HIVEP1: variants seen among roughly 807,000 people sequenced by gnomAD.
The protein encoded by HIVEP1 is zinc finger protein 40.
HIVEP1 carries 36 observed loss-of-function variants against 180.0 expected under a neutral mutation model. That is an observed-to-expected ratio of 0.20 (90% CI 0.15 to 0.26). The LOEUF (loss-of-function observed/expected upper bound fraction) is 0.26, where lower values mean the gene tolerates loss of function less well. HIVEP1 is among the 10% of genes least tolerant of loss of function. HIVEP1 has a pLI of 1.00. For missense variants in HIVEP1, 3,143 were observed against 3,268.7 expected, an observed-to-expected ratio of 0.96 and a Z score of 0.94; for synonymous variants, 1,239 against 1,239.0, an observed-to-expected ratio of 1.00 and a Z score of 0.00.
intron 2 of HIVEP1, among the ~76,000 whole-genome samples, chr6:12,075,988 C>T (rs184687205): frequency 6.6e-6 from 1 of 152,242 alleles, no homozygotes; most frequent in African/African-American, 2.4e-5. Context: ...TAAGCTCCAC[C>T]TGTTTTATAA....
At chr6:12,089,259 T>A in intron 3 of HIVEP1, 22 bp downstream of exon 3, 2 of 1,435,008 alleles carry the variant, frequency 1.4e-6, no homozygotes, top group Non-Finnish European at 2.0e-6. Context: ...TCAGCTTGAA[T>A]GTAAACTTTA....
chr6:12,052,877 G>A (rs945457818), intron 2 of HIVEP1, among the ~76,000 whole-genome samples: 1 of 152,152 alleles, frequency 6.6e-6, no homozygotes, highest in Non-Finnish European at 1.5e-5. Flanking sequence ...TCATTCCTGT[G>A]CTTTAAAAAT....
chr6:12,021,161 C>G (rs1768176346), intron 2 of HIVEP1, among the ~76,000 whole-genome samples: 1 of 152,164 alleles, frequency 6.6e-6, no homozygotes, highest in Non-Finnish European at 1.5e-5. Context: ...GCTGGGATTA[C>G]AGGCGTGAGC....
the HIVEP1 span, among the ~76,000 whole-genome samples, chr6:12,190,495 C>A: frequency 1.3e-5 from 2 of 152,140 alleles, no homozygotes; most frequent in Admixed American, 6.6e-5. Flanking sequence ...CGCTTTGGAG[C>A]CTGTGCACTG....
At chr6:12,141,935 G>A (rs1759063314) in intron 7 of HIVEP1, among the ~76,000 whole-genome samples, 1 of 151,852 alleles carries the variant, frequency 6.6e-6, no homozygotes, top group Non-Finnish European at 1.5e-5. Context: ...AATAATAATG[G>A]GAGACTTTAA....
chr6:12,133,229 A>T (rs1758522558), intron 6 of HIVEP1, among the ~76,000 whole-genome samples: 1 of 152,154 alleles, frequency 6.6e-6, no homozygotes, highest in African/African-American at 2.4e-5. Flanking sequence ...AATAATTTTA[A>T]TTGATTTGTT....
chr6:12,089,231 A>G lies in HIVEP1; in HGVS notation c.88A>G (p.Lys30Glu). 1 of 1,561,634 alleles carries G rather than the reference A, an allele frequency of 6.4e-7. No homozygotes were observed. The highest frequency in any genetic ancestry group is 8.8e-7 in the Non-Finnish European group (1 of 1,136,018). ...AGAACTTAATGGGGCAGAAGTTTCA[A>G]AAAAAGGTAAATTAAAATCAGCTTG... is the stretch of plus-strand genomic sequence containing the variant. The part of the protein sequence containing the change: ...QKELNGAEVS[K>E]KEILQAGVKG... Residue 30 changes from lysine to glutamate, a missense_variant, in exon 3 of 9, where the codon AAA becomes GAA. Physicochemically the swap from Lys to Glu is moderately conservative, Grantham distance 56. This residue lies in a region of HIVEP1 where 114 missense variants were observed against 134.5 expected (regional missense o/e 0.85). Coordinates refer to ENST00000379388, the MANE Select transcript of HIVEP1 (RefSeq NM_002114.4).
chr6:12,137,686 C>T (rs1758779207), intron 7 of HIVEP1, among the ~76,000 whole-genome samples: 1 of 151,652 alleles, frequency 6.6e-6, no homozygotes, highest in Admixed American at 6.6e-5. Flanking sequence ...AGTGCTGTGT[C>T]ATGCTGTGCT....
chr6:12,042,504 C>T (rs1769841269), intron 2 of HIVEP1, among the ~76,000 whole-genome samples: 1 of 151,508 alleles, frequency 6.6e-6, no homozygotes, highest in South Asian at 2.1e-4. Context: ...TGTGTGCCCC[C>T]ATACCCTATC....
At chr6:12,111,987 A>G (rs961233573) in intron 3 of HIVEP1, among the ~76,000 whole-genome samples, 5 of 152,198 alleles carry the variant, frequency 3.3e-5, no homozygotes, top group African/African-American at 1.2e-4. Flanking sequence ...AAGTGATAAA[A>G]TTCTTAAAGT....
At position 12,163,654 on chromosome 6, in the gene HIVEP1, C is replaced by A; in HGVS notation, c.7350C>A (p.Gly2450=). The A allele has an allele frequency of 3.1e-6, 5 of 1,614,176 alleles. No homozygotes were observed. Among genetic ancestry groups the A allele is most frequent in the Non-Finnish European group, 4.2e-6 (5 of 1,180,030 alleles). Residue 2450 remains glycine (G), a synonymous_variant, in exon 9 of 9, where the codon GGC becomes GGA. Transcript: ENST00000379388. ...GGAATACGGTCACAGAAGTGTCTGG[C>A]ACTACAAACCCTGCTGGAGTGGCTG... ...THRNTVTEVS[G]TTNPAGVAEL...
chr6:12,202,637 T>A, the HIVEP1 span, among the ~76,000 whole-genome samples: 61 of 152,352 alleles, frequency 4.0e-4, no homozygotes, highest in African/African-American at 1.4e-3. Context: ...TCATGACAGA[T>A]AAATGTTGGT....
intron 2 of HIVEP1, among the ~76,000 whole-genome samples, chr6:12,071,620 A>G (rs1771972636): frequency 6.6e-6 from 1 of 152,210 alleles, no homozygotes; most frequent in African/African-American, 2.4e-5. Flanking sequence ...AAAGATTTTC[A>G]TAGCTGATAA....
chr6:12,211,495 ACACACC>A, the HIVEP1 span, among the ~76,000 whole-genome samples: 201 of 35,046 alleles, frequency 5.7e-3, 1 homozygote, highest in African/African-American at 0.03. Context: ...ATACACACAC[ACACACC>A]CACACAACAT....
chr6:12,174,766 T>A, the HIVEP1 span, among the ~76,000 whole-genome samples: 1 of 152,324 alleles, frequency 6.6e-6, no homozygotes, highest in East Asian at 1.9e-4. Context: ...GATGGACTTG[T>A]ATTGTCTCTT....
chr6:12,117,131 C>CA (rs1411992169), intron 3 of HIVEP1, among the ~76,000 whole-genome samples: 1 of 151,826 alleles, frequency 6.6e-6, no homozygotes, highest in African/African-American at 2.4e-5. Flanking sequence ...AACTTTATTC[C>CA]AAAAAAAGTT....
upstream of HIVEP1, among the ~76,000 whole-genome samples, chr6:12,010,031 T>G (rs150410368): frequency 6.6e-6 from 1 of 152,362 alleles, no homozygotes; most frequent in East Asian, 1.9e-4. Context: ...CACATTACCT[T>G]TCTCCTGACA....
Position 12,130,874 on chromosome 6 carries a change from A to T in HIVEP1, c.6317A>T (p.His2106Leu). ...AAGAAACCTAGCATGTTAAAGAAAC[A>T]CATACGAACCCATACAGATGTCCGC... ...RCKKPSMLKK[H>L]IRTHTDVRPY... The change falls in exon 6 of 9, where the codon CAC (histidine) becomes CTC (leucine). Residue 2106 changes from histidine to leucine, a missense_variant. Transcript: ENST00000379388. 6.2e-7 allele frequency: 1 copy of T among 1,613,474 alleles called. No individual in the cohort carries two copies. The highest frequency in any genetic ancestry group is 8.5e-7 in the Non-Finnish European group (1 of 1,179,432).
intron 2 of HIVEP1, among the ~76,000 whole-genome samples, chr6:12,071,832 T>G (rs911978974): frequency 6.6e-6 from 1 of 152,196 alleles, no homozygotes; most frequent in Non-Finnish European, 1.5e-5. Flanking sequence ...CTTGAGGGCA[T>G]TTTTAGATGA....
Sources: allele counts gnomAD v4.1 joint callset (sites outside exome capture counted in the v4.1 genomes callset), GRCh38; gene constraint gnomAD v4.1.1; regional missense constraint gnomAD v4.1.1; transcripts MANE v1.5; gene names NCBI Gene and HGNC (gene_info 2026-07-23, HGNC 2026-07-21).